GRID2: variants seen among roughly 807,000 people sequenced by gnomAD.
GRID2 encodes glutamate ionotropic receptor delta type subunit 2.
In GRID2, 33 loss-of-function variants were observed where a neutral mutation model predicts 114.8. That is an observed-to-expected ratio of 0.29 (90% CI 0.22 to 0.38). GRID2 has a LOEUF of 0.38. GRID2 is among the 10% of genes least tolerant of loss of function. The probability of loss-of-function intolerance (pLI) is 1.00; values close to 1 mark genes in which losing one functional copy is unlikely to be tolerated. For synonymous variants in GRID2, 505 were observed against 449.9 expected (o/e 1.12, Z -1.55); for missense variants, 1,184 against 1,257.7 (o/e 0.94, Z 0.89).
chr4:93,726,857 A>G (rs1025628580), intron 14 of GRID2, among the ~76,000 whole-genome samples: 10 of 152,156 alleles, frequency 6.6e-5, no homozygotes, highest in South Asian at 2.1e-4. Flanking sequence ...CTTTGCTGAA[A>G]TTGCTTATCA....
At chr4:93,659,074 C>T (rs982376260) in intron 14 of GRID2, among the ~76,000 whole-genome samples, 3 of 151,920 alleles carry the variant, frequency 2.0e-5, no homozygotes, top group Non-Finnish European at 2.9e-5. Context: ...GACAGTCTAG[C>T]GTAGCAATTT....
rs2149492374 is a variant in GRID2 at position 93,224,646 on chromosome 4, T to C, written c.996T>C (p.Leu332=). ...ISNLYIYDTV[L]LLANAFHKKL... is the part of the protein sequence containing the mutation. ...ACCTTTACATATATGACACGGTGCTTCTGCTTGCTAATGCTTTTCATAAGA... is the reference window on the plus strand; with the variant it reads ...ACCTTTACATATATGACACGGTGCTCCTGCTTGCTAATGCTTTTCATAAGA... The change falls in exon 7 of 16, where the codon CTT becomes CTC. Residue 332 remains leucine, a synonymous_variant. Transcript: ENST00000282020. 6.2e-7 allele frequency: 1 copy of C among 1,611,726 alleles called. No individual in the cohort carries two copies. The highest frequency in any genetic ancestry group is 8.5e-7 in the Non-Finnish European group (1 of 1,178,142).
intron 14 of GRID2, among the ~76,000 whole-genome samples, chr4:93,685,643 G>T (rs1436421136): frequency 1.3e-5 from 2 of 151,970 alleles, no homozygotes; most frequent in Non-Finnish European, 2.9e-5. Context: ...ACTCTGCCTG[G>T]ATAATCTCAT....
intron 2 of GRID2, among the ~76,000 whole-genome samples, chr4:92,797,045 T>G (rs2149369163): frequency 6.6e-6 from 1 of 152,114 alleles, no homozygotes; most frequent in South Asian, 2.1e-4. Flanking sequence ...TAGATTCATT[T>G]ATCTTGATAT....
intron 1 of GRID2, among the ~76,000 whole-genome samples, chr4:92,326,948 A>C (rs1344194387): frequency 2.0e-5 from 3 of 151,894 alleles, no homozygotes; most frequent in Non-Finnish European, 4.4e-5. Flanking sequence ...ACAAGAAGCC[A>C]CATTCTTTCC....
intron 2 of GRID2, among the ~76,000 whole-genome samples, chr4:92,874,244 T>C (rs1745474768): frequency 6.6e-6 from 1 of 152,232 alleles, no homozygotes; most frequent in Non-Finnish European, 1.5e-5. Context: ...CTTTATTTAC[T>C]GTAACTTCAA....
chr4:92,669,888 T>C (rs752421609), intron 2 of GRID2, among the ~76,000 whole-genome samples: 33 of 152,056 alleles, frequency 2.2e-4, no homozygotes, highest in Non-Finnish European at 4.1e-4. Flanking sequence ...TTGACTATCA[T>C]GATTTCTTGC....
intron 4 of GRID2, among the ~76,000 whole-genome samples, chr4:93,184,904 T>C (rs909787589): frequency 6.6e-6 from 1 of 151,782 alleles, no homozygotes; most frequent in Admixed American, 6.6e-5. Context: ...AAAAACAAAA[T>C]AACAATATCC....
chr4:92,687,606 G>A (rs1733974398), intron 2 of GRID2, among the ~76,000 whole-genome samples: 1 of 152,218 alleles, frequency 6.6e-6, no homozygotes, highest in South Asian at 2.1e-4. Context: ...GAGGTGGGCG[G>A]ATCATGAGGT....
intron 2 of GRID2, among the ~76,000 whole-genome samples, chr4:92,841,733 G>C (rs565372091): frequency 2.6e-5 from 4 of 151,938 alleles, no homozygotes; most frequent in Admixed American, 2.6e-4. Flanking sequence ...ACTTCATTTT[G>C]CTACCTTATC....
At chr4:92,524,533 C>T (rs1328305518) in intron 1 of GRID2, among the ~76,000 whole-genome samples, 3 of 151,178 alleles carry the variant, frequency 2.0e-5, no homozygotes, top group African/African-American at 7.3e-5. Flanking sequence ...ATGCACTGAC[C>T]ATGACTCTTT....
At chr4:93,521,785 A>G (rs1172956275) in intron 13 of GRID2, among the ~76,000 whole-genome samples, 1 of 152,106 alleles carries the variant, frequency 6.6e-6, no homozygotes, top group Non-Finnish European at 1.5e-5. Flanking sequence ...AGTGACAGAG[A>G]GCCAAGTGAT....
At chr4:93,287,973 C>T (rs1753354594) in intron 8 of GRID2, among the ~76,000 whole-genome samples, 1 of 152,194 alleles carries the variant, frequency 6.6e-6, no homozygotes, top group South Asian at 2.1e-4. Context: ...CTCTACCTTG[C>T]TCTCCCTAAT....
chr4:92,474,060 A>G (rs1003197074), intron 1 of GRID2, among the ~76,000 whole-genome samples: 4 of 151,518 alleles, frequency 2.6e-5, no homozygotes, highest in Admixed American at 6.6e-5. Flanking sequence ...AGCAAATTTC[A>G]AGTATAAAAT....
At chr4:92,944,834 C>T (rs1352369775) in intron 2 of GRID2, among the ~76,000 whole-genome samples, 1 of 152,006 alleles carries the variant, frequency 6.6e-6, no homozygotes, top group Non-Finnish European at 1.5e-5. Flanking sequence ...GTAAGTCTTA[C>T]CCTTTGGAGT....
At chr4:92,367,729 A>G (rs975845822) in intron 1 of GRID2, among the ~76,000 whole-genome samples, 1 of 152,090 alleles carries the variant, frequency 6.6e-6, no homozygotes, top group Non-Finnish European at 1.5e-5. Flanking sequence ...GCATGATAAG[A>G]TTTTTAAAAT....
At chr4:92,675,775 C>T (rs917117306) in intron 2 of GRID2, among the ~76,000 whole-genome samples, 1 of 151,824 alleles carries the variant, frequency 6.6e-6, no homozygotes, top group East Asian at 2.0e-4. Flanking sequence ...AGGATGGTTT[C>T]GATCTCCTGA....
intron 2 of GRID2, among the ~76,000 whole-genome samples, chr4:92,812,932 A>G (rs768874584): frequency 7.9e-5 from 12 of 152,148 alleles, no homozygotes; most frequent in Non-Finnish European, 1.3e-4. Context: ...CTAAACCCCT[A>G]GGTAATATCC....
At chr4:92,989,561 T>C (rs1754738917) in intron 2 of GRID2, among the ~76,000 whole-genome samples, 1 of 152,072 alleles carries the variant, frequency 6.6e-6, no homozygotes, top group Non-Finnish European at 1.5e-5. Context: ...GCTGTATAAG[T>C]GAATGTATAA....
Sources: gnomAD v4.1 joint callset for allele counts (sites outside exome capture counted in the v4.1 genomes callset) on GRCh38, gnomAD v4.1.1 for gene constraint, MANE v1.5 for transcripts, NCBI Gene and HGNC (gene_info 2026-07-23, HGNC 2026-07-21) for gene names.